HIVEP2: variants seen among roughly 807,000 people sequenced by gnomAD.
The protein encoded by HIVEP2 is HIVEP zinc finger 2.
Under a neutral mutation model 180.7 loss-of-function variants are expected in HIVEP2, and 14 were observed. The ratio of observed to expected loss-of-function variants is 0.08; its 90% CI spans 0.05 to 0.12. The LOEUF (loss-of-function observed/expected upper bound fraction) is 0.12. Ranked by LOEUF, HIVEP2 falls within the 10% of genes least tolerant of loss-of-function variation. HIVEP2 has a pLI of 1.00. For synonymous variants in HIVEP2, 1,184 were observed against 1,136.4 expected, an observed-to-expected ratio of 1.04 and a Z score of -0.84; for missense variants, 2,579 against 3,008.5, an observed-to-expected ratio of 0.86 and a Z score of 3.34.
At chr6:142,907,813 A>G (rs1482467423) in intron 1 of HIVEP2, among the ~76,000 whole-genome samples, 1 of 152,156 alleles carries the variant, frequency 6.6e-6, no homozygotes, top group Non-Finnish European at 1.5e-5. Flanking sequence ...GTATACTCCA[A>G]TTGTACTTTG....
rs956244627 is a variant in HIVEP2, at chr6:142,771,919, C to T, written c.2820G>A (p.Lys940=). The part of the protein sequence containing the change: ...LPAEKLPPKK[K]RLRLADMEHS... The stretch of plus-strand genomic sequence containing the variant: ...GCTCCATATCTGCAAGTCGCAGACG[C>T]TTCTTTTTGGGTGGCAACTTCTCCG... Residue 940 remains lysine (K), a synonymous_variant, in exon 5 of 10, where the codon AAG becomes AAA. Transcript: ENST00000367603. The surrounding 1 kb of genome is among the most constrained non-coding windows in gnomAD (Gnocchi z 5.4). 6.2e-7 allele frequency: 1 copy of T among 1,614,190 alleles called. No individual in the cohort carries two copies. The highest frequency in any genetic ancestry group is 1.6e-4 in the Middle Eastern group (1 of 6,062).
At chr6:142,875,943 A>C (rs1055634560) in intron 1 of HIVEP2, among the ~76,000 whole-genome samples, 3 of 152,202 alleles carry the variant, frequency 2.0e-5, no homozygotes, top group African/African-American at 7.2e-5. Flanking sequence ...TGATATTCTA[A>C]ACCATGCTGG....
intron 1 of HIVEP2, among the ~76,000 whole-genome samples, chr6:142,875,493 G>T (rs1262604492): frequency 6.6e-6 from 1 of 152,194 alleles, no homozygotes; most frequent in Non-Finnish European, 1.5e-5. Flanking sequence ...ACTCTGGGGA[G>T]TGTGGAGGCA....
At chr6:142,775,733 G>C (rs1775681357) in intron 4 of HIVEP2, among the ~76,000 whole-genome samples, 1 of 151,858 alleles carries the variant, frequency 6.6e-6, no homozygotes, top group Admixed American at 6.6e-5. Context: ...TACTCGGGAG[G>C]CTAAGGGAGG....
chr6:142,860,621 G>A lies in HIVEP2; in HGVS notation c.-640-23574C>T, dbSNP rs566058523. Among the ~76,000 whole-genome samples the A allele has an allele frequency of 2.6e-5, 4 of 152,136 alleles. No individual in the cohort carries two copies. In the East Asian group the frequency reaches 7.7e-4, roughly 29 times the overall value. On this transcript the variant is annotated intron_variant, in intron 1 of 9. Transcript: ENST00000367603. The stretch of plus-strand genomic sequence containing the variant: ...ATCATCATGCATTAGATTCTCTTTG[G>A]GCAAGAGACCTAGATCCCTGGCATG...
intron 2 of HIVEP2, among the ~76,000 whole-genome samples, chr6:142,803,905 T>C (rs1562241434): frequency 6.6e-6 from 1 of 152,136 alleles, no homozygotes; most frequent in Non-Finnish European, 1.5e-5. Context: ...AGGAACCAAA[T>C]CATCTCATTT....
At chr6:142,804,037 A>C (rs1269161640) in intron 2 of HIVEP2, among the ~76,000 whole-genome samples, 1 of 152,178 alleles carries the variant, frequency 6.6e-6, no homozygotes, top group Non-Finnish European at 1.5e-5. Context: ...AGAAGTTTCC[A>C]AGCAAGTCTA....
intron 2 of HIVEP2, among the ~76,000 whole-genome samples, chr6:142,835,618 C>T (rs985164989): frequency 6.6e-6 from 1 of 152,130 alleles, no homozygotes; most frequent in Non-Finnish European, 1.5e-5. Context: ...CCTCATATCC[C>T]TTTAATTATC....
chr6:142,899,050 C>T (rs576523836), intron 1 of HIVEP2, among the ~76,000 whole-genome samples: 1 of 152,216 alleles, frequency 6.6e-6, no homozygotes, highest in South Asian at 2.1e-4. Flanking sequence ...CCCTGTCTTG[C>T]CTGCAGGACA....
chr6:142,775,455 A>T (rs960091002), intron 4 of HIVEP2, among the ~76,000 whole-genome samples: 5 of 152,180 alleles, frequency 3.3e-5, no homozygotes, highest in African/African-American at 1.2e-4. Flanking sequence ...ATTAAAAAAA[A>T]ATAGAGCTAT....
Position 142,760,589 on chromosome 6 carries a change from G to C in HIVEP2, c.5699C>G (p.Ala1900Gly). ...SISTDHQFSD[A>G]EESDGEDGDD... The stretch of plus-strand genomic sequence containing the variant: ...TCCATCCTCACCATCTGATTCCTCA[G>C]CATCGGAGAACTGATGATCAGTTGA... Residue 1900 changes from alanine to glycine, a missense_variant, in exon 9 of 10, where the codon GCT (alanine) becomes GGT (glycine). Ala to Gly is a moderately conservative substitution (Grantham distance 60, BLOSUM62 0). Around this residue, in one of 11 missense-constraint regions of HIVEP2, gnomAD observed 660 missense variants for 731.7 expected, o/e 0.90. Coordinates refer to ENST00000367603, the MANE Select transcript of HIVEP2 (RefSeq NM_006734.4). 6.2e-7 allele frequency: 1 copy of C among 1,613,204 alleles called. No homozygotes were observed. Among genetic ancestry groups the C allele is most frequent in the Non-Finnish European group, 8.5e-7 (1 of 1,179,266 alleles).
intron 1 of HIVEP2, among the ~76,000 whole-genome samples, chr6:142,916,649 C>T (rs138851044): frequency 1.8e-3 from 278 of 152,298 alleles, no homozygotes; most frequent in African/African-American, 6.5e-3. Context: ...TCTCTCCTGG[C>T]ACCTTAAAAG....
At chr6:142,870,463 C>T (rs1776262904) in intron 1 of HIVEP2, among the ~76,000 whole-genome samples, 1 of 152,132 alleles carries the variant, frequency 6.6e-6, no homozygotes, top group South Asian at 2.1e-4. Context: ...AGGGCCTCTC[C>T]TTCTTCTTTC....
At chr6:142,759,435 T>TG (rs1297612392) in intron 9 of HIVEP2, among the ~76,000 whole-genome samples, 3 of 152,228 alleles carry the variant, frequency 2.0e-5, no homozygotes, top group African/African-American at 7.2e-5. Flanking sequence ...TGTATGTCCA[T>TG]GCAGTCATGG....
intron 1 of HIVEP2, among the ~76,000 whole-genome samples, chr6:142,903,010 G>A (rs1235015201): frequency 6.6e-6 from 1 of 152,182 alleles, no homozygotes; most frequent in African/African-American, 2.4e-5. Context: ...TCCTAACAGT[G>A]TTCCCTTGTT....
At chr6:142,882,166 T>C (rs1338595368) in intron 1 of HIVEP2, among the ~76,000 whole-genome samples, 1 of 152,226 alleles carries the variant, frequency 6.6e-6, no homozygotes, top group Non-Finnish European at 1.5e-5. Context: ...ATTTTGAGTA[T>C]AAAGCCCATC....
intron 1 of HIVEP2, among the ~76,000 whole-genome samples, chr6:142,920,169 C>T (rs961207028): frequency 6.6e-6 from 1 of 152,202 alleles, no homozygotes; most frequent in Non-Finnish European, 1.5e-5. Flanking sequence ...GAATTACAGT[C>T]CCATTTTGTG....
intron 3 of HIVEP2, among the ~76,000 whole-genome samples, chr6:142,780,044 A>C (rs1775809805): frequency 6.6e-6 from 1 of 152,226 alleles, no homozygotes; most frequent in South Asian, 2.1e-4. Flanking sequence ...ATTTTAAAAA[A>C]TAATTTTGCT....
chr6:142,838,895 T>C (rs1186714572), intron 1 of HIVEP2, among the ~76,000 whole-genome samples: 1 of 152,150 alleles, frequency 6.6e-6, no homozygotes, highest in African/African-American at 2.4e-5. Flanking sequence ...TTAAGCAATA[T>C]GTTAAAAGGT....
Sources: allele counts gnomAD v4.1 joint callset (sites outside exome capture counted in the v4.1 genomes callset), GRCh38; gene constraint gnomAD v4.1.1; regional missense constraint gnomAD v4.1.1; non-coding constraint Gnocchi (gnomAD v3.1); transcripts MANE v1.5; gene names NCBI Gene and HGNC (gene_info 2026-07-23, HGNC 2026-07-21).